The following RALGPS1 variants were observed in gnomAD, a reference collection of about 807,000 sequenced individuals.
The protein encoded by RALGPS1 is Ral GEF with PH domain and SH3 binding motif 1, also known as ras-specific guanine nucleotide-releasing factor RalGPS1.
Under a neutral mutation model 78.8 loss-of-function variants are expected in RALGPS1, and 19 were observed. The ratio of observed to expected loss-of-function variants is 0.24; its 90% CI spans 0.17 to 0.35. The LOEUF (loss-of-function observed/expected upper bound fraction) is 0.35, where lower values mean the gene tolerates loss of function less well. Among genes scored for constraint, RALGPS1 ranks in the 10% least tolerant of loss-of-function variants. RALGPS1 has a pLI of 1.00. For missense variants in RALGPS1, 454 were observed against 688.3 expected, an observed-to-expected ratio of 0.66 and a Z score of 3.81; for synonymous variants, 228 against 256.3, an observed-to-expected ratio of 0.89 and a Z score of 1.06.
chr9:127,108,011 C>T, intron 8 of RALGPS1: 1 of 1,589,920 alleles, frequency 6.3e-7, no homozygotes, highest in Admixed American at 1.7e-5. Flanking sequence ...CTCTGGATCT[C>T]GTTGGTAGAG....
chr9:127,015,705 T>C (rs549744614), intron 4 of RALGPS1, among the ~76,000 whole-genome samples: 7 of 152,148 alleles, frequency 4.6e-5, no homozygotes, highest in Non-Finnish European at 8.8e-5. Context: ...GCTCCTGACC[T>C]GCAAACTTTC....
At chr9:126,989,890 C>T (rs1288442908) in intron 4 of RALGPS1, 1 of 1,550,256 alleles carries the variant, frequency 6.5e-7, no homozygotes, top group South Asian at 1.2e-5. Context: ...TTCTGGTTTG[C>T]AGAAAGGCTG....
At chr9:127,168,845 T>C in intron 10 of RALGPS1, 73 bp downstream of exon 10, 1 of 1,289,262 alleles carries the variant, frequency 7.8e-7, no homozygotes, top group Non-Finnish European at 1.1e-6. Context: ...TCCCTGCAAG[T>C]GGCCTAGCCC....
At chr9:127,063,408 G>A (rs1312246039) in intron 7 of RALGPS1, among the ~76,000 whole-genome samples, 2 of 152,096 alleles carry the variant, frequency 1.3e-5, no homozygotes, top group Non-Finnish European at 2.9e-5. Context: ...TTAATAAGCA[G>A]GGACTTTGTT....
At chr9:126,916,453 C>T (rs964247743) in intron 1 of RALGPS1, among the ~76,000 whole-genome samples, 3 of 152,204 alleles carry the variant, frequency 2.0e-5, no homozygotes, top group Admixed American at 6.5e-5. Flanking sequence ...GGAAGTCCCT[C>T]TGCCCCCATC....
intron 11 of RALGPS1, 23 bp from the exon 12 acceptor site, chr9:127,195,068 T>C: frequency 6.2e-7 from 1 of 1,611,846 alleles, no homozygotes; most frequent in South Asian, 1.1e-5. Context: ...CCCCCGTTGT[T>C]GCTCTCTCTG....
At chr9:127,007,859 C>G (rs997061684) in intron 4 of RALGPS1, among the ~76,000 whole-genome samples, 1 of 152,104 alleles carries the variant, frequency 6.6e-6, no homozygotes, top group African/African-American at 2.4e-5. Context: ...CAGGGGAGAG[C>G]TTTGATTAGA....
intron 8 of RALGPS1, among the ~76,000 whole-genome samples, chr9:127,107,746 G>A (rs1016769676): frequency 1.3e-5 from 2 of 152,172 alleles, no homozygotes; most frequent in Non-Finnish European, 2.9e-5. Flanking sequence ...CCTGCCACCC[G>A]TCACCCTGCT....
chr9:127,200,510 C>T (rs1219952214), intron 14 of RALGPS1, among the ~76,000 whole-genome samples: 5 of 152,274 alleles, frequency 3.3e-5, no homozygotes, highest in South Asian at 2.1e-4. Flanking sequence ...GCCACCTCTT[C>T]ATCACTGCTC....
At chr9:127,031,803 A>T (rs1395608150) in intron 4 of RALGPS1, among the ~76,000 whole-genome samples, 1 of 152,244 alleles carries the variant, frequency 6.6e-6, no homozygotes, top group African/African-American at 2.4e-5. Flanking sequence ...TCTAGTGCGA[A>T]AGATTCCTTA....
chr9:127,045,604 C>A (rs2135155443), intron 5 of RALGPS1, among the ~76,000 whole-genome samples: 1 of 152,196 alleles, frequency 6.6e-6, no homozygotes, highest in East Asian at 1.9e-4. Flanking sequence ...TGTGAGGAGG[C>A]TAGAACGACC....
In RALGPS1 at chr9:127,050,061, C is replaced by A. The variant is rs1365887727; in HGVS notation, c.319C>A (p.Arg107=). Residue 107 remains arginine, a synonymous_variant, in exon 6 of 19, where the codon CGA becomes AGA. Transcript: ENST00000259351. ...RFNQVSFWVV[R]EILTAQTLKI... Reference sequence around the variant, plus strand: ...TCTACAGGTCAGTTTTTGGGTTGTACGAGAAATTCTAACAGCACAGACTTT... The same window carrying A: ...TCTACAGGTCAGTTTTTGGGTTGTAAGAGAAATTCTAACAGCACAGACTTT... The A allele has an allele frequency of 3.1e-6, 5 of 1,613,696 alleles. No individual in the cohort carries two copies. Among genetic ancestry groups the A allele is most frequent in the Non-Finnish European group, 4.2e-6 (5 of 1,179,644 alleles).
At chr9:126,933,061 G>A (rs1444499297) in intron 1 of RALGPS1, among the ~76,000 whole-genome samples, 1 of 152,174 alleles carries the variant, frequency 6.6e-6, no homozygotes, top group African/African-American at 2.4e-5. Flanking sequence ...GCAGGGGCCT[G>A]GAACCCAGCC....
chr9:127,041,465 G>A (rs949080034), intron 5 of RALGPS1, among the ~76,000 whole-genome samples: 10 of 152,182 alleles, frequency 6.6e-5, no homozygotes, highest in African/African-American at 2.2e-4. Flanking sequence ...ATTCTCACCA[G>A]CAATGAATGA....
intron 5 of RALGPS1, among the ~76,000 whole-genome samples, chr9:127,045,278 A>G (rs1465554799): frequency 2.0e-5 from 3 of 152,238 alleles, no homozygotes; most frequent in African/African-American, 7.2e-5. Flanking sequence ...AGCAGAATGT[A>G]ATAAAAGAAT....
intron 14 of RALGPS1, among the ~76,000 whole-genome samples, chr9:127,208,416 C>T (rs1322536943): frequency 6.6e-6 from 1 of 152,220 alleles, no homozygotes; most frequent in African/African-American, 2.4e-5. Flanking sequence ...TCCTGAAAGG[C>T]TTTATCTCAC....
At position 127,218,227 on chromosome 9, in the gene RALGPS1, G is replaced by A. The variant is rs1415269376; in HGVS notation, c.1645-513G>A. 6.6e-6 allele frequency among the ~76,000 whole-genome samples: 1 copy of A among 152,136 alleles called. No individual in the cohort carries two copies. The highest frequency in any genetic ancestry group is 1.5e-5 in the Non-Finnish European group (1 of 68,022). ...AAAGGGGTCTAGGATCTTGTCCTGA[G>A]GGCAGAGCTGTGGGAAGGTCTTGGG... On this transcript the variant is annotated intron_variant, in intron 18 of 18. Transcript: ENST00000259351. This position sits in a 1 kb window ranked among gnomAD's most constrained non-coding sequence, Gnocchi z 4.4.
Position 127,106,558 on chromosome 9 carries a change from A to G in RALGPS1, c.610+37202A>G, listed in dbSNP as rs114802791. Among the ~76,000 whole-genome samples the G allele has an allele frequency of 4.8e-3, 731 of 152,342 alleles. 7 individuals are homozygous for G. The highest frequency in any genetic ancestry group is 0.017 in the African/African-American group (695 of 41,576). On this transcript the variant is annotated intron_variant, in intron 8 of 18. Coordinates refer to ENST00000259351, the MANE Select transcript of RALGPS1 (RefSeq NM_014636.3). ...GAGGAAACCGAGCCTCAGGGGGACAAAGTGACTTGCCTAATGTCCCAGAGC... is the reference window on the plus strand; with the variant it reads ...GAGGAAACCGAGCCTCAGGGGGACAGAGTGACTTGCCTAATGTCCCAGAGC...
At chr9:127,175,677 CTTTTTTTTTTTTT>C (rs11354346) in intron 11 of RALGPS1, among the ~76,000 whole-genome samples, 5 of 108,982 alleles carry the variant, frequency 4.6e-5, no homozygotes, top group African/African-American at 1.8e-4. Flanking sequence ...TTTGGGCCTC[CTTTTTTTTTTTTT>C]TTTTTTTTTT....
Sources: allele counts gnomAD v4.1 joint callset (sites outside exome capture counted in the v4.1 genomes callset), GRCh38; gene constraint gnomAD v4.1.1; non-coding constraint Gnocchi (gnomAD v3.1); transcripts MANE v1.5; gene names NCBI Gene and HGNC (gene_info 2026-07-23, HGNC 2026-07-21).